FGF13: variants seen among roughly 807,000 people sequenced by gnomAD.
FGF13 encodes fibroblast growth factor homologous factor 2.
FGF13 carries 2 observed loss-of-function variants against 19.5 expected under a neutral mutation model. The ratio of observed to expected loss-of-function variants is 0.10; its 90% CI spans 0.04 to 0.32. The LOEUF is 0.32. Among genes scored for constraint, FGF13 ranks in the 10% least tolerant of loss-of-function variants. The pLI, the probability that FGF13 is intolerant of heterozygous loss-of-function variation, is 1.00. For missense variants in FGF13, 113 were observed against 192.7 expected (o/e 0.59, Z 2.45); for synonymous variants, 72 against 76.9 (o/e 0.94, Z 0.33).
At chrX:138,922,387 T>A (rs1049185416) in intron 1 of FGF13, among the ~76,000 whole-genome samples, 2 of 111,745 alleles carry the variant, frequency 1.8e-5, no homozygotes, top group African/African-American at 3.3e-5. Context: ...GTGAGTTATG[T>A]CAAGGTGGCC....
At chrX:138,768,216 G>A (rs60486296) in intron 3 of FGF13, among the ~76,000 whole-genome samples, 1,789 of 112,029 alleles carry the variant, frequency 0.016, 24 homozygotes, top group African/African-American at 0.055. Flanking sequence ...TTCAAACATC[G>A]TGAAACATTT....
At chrX:138,818,769 T>C (rs2090979639) in intron 3 of FGF13, among the ~76,000 whole-genome samples, 1 of 111,218 alleles carries the variant, frequency 9.0e-6, no homozygotes, top group Non-Finnish European at 1.9e-5. Context: ...GGGCTGTCAT[T>C]TTTTTTCTTT....
chrX:138,946,467 A>C (rs150515456), intron 1 of FGF13, among the ~76,000 whole-genome samples: 1,558 of 112,261 alleles, frequency 0.014, 25 homozygotes, highest in African/African-American at 0.048. Context: ...TGGACTTACA[A>C]AGAATAATTT....
intron 3 of FGF13, among the ~76,000 whole-genome samples, chrX:138,685,086 C>T (rs1408602589): frequency 1.8e-5 from 2 of 111,627 alleles, no homozygotes; most frequent in African/African-American, 3.2e-5. Context: ...TGGTATGCTT[C>T]GTTTAGCAAC....
At chrX:138,736,645 A>G (rs1262395271) in intron 1 of FGF13, among the ~76,000 whole-genome samples, 1 of 111,000 alleles carries the variant, frequency 9.0e-6, no homozygotes, top group Admixed American at 9.6e-5. Flanking sequence ...ATAAAAAAAA[A>G]TTAGTAAACA....
At chrX:138,845,739 T>A (rs1023528847) in intron 3 of FGF13, among the ~76,000 whole-genome samples, 1 of 111,751 alleles carries the variant, frequency 8.9e-6, no homozygotes. Flanking sequence ...ATCCACTAAG[T>A]GAACAGCTTA....
At chrX:138,906,449 G>A (rs747245487) in intron 1 of FGF13, among the ~76,000 whole-genome samples, 1 of 111,941 alleles carries the variant, frequency 8.9e-6, no homozygotes, top group South Asian at 3.8e-4. Context: ...CATAGTTCTA[G>A]GCCGTGGGGA....
intron 1 of FGF13, among the ~76,000 whole-genome samples, chrX:138,976,119 C>T (rs1057350715): frequency 9.0e-6 from 1 of 111,726 alleles, no homozygotes; most frequent in African/African-American, 3.3e-5. Flanking sequence ...GCGCTGGACT[C>T]GGGAATGCTC....
At chrX:138,702,905 T>C in intron 3 of FGF13, 79 bp downstream of exon 3, 1 of 638,566 alleles carries the variant, frequency 1.6e-6, no homozygotes, top group Non-Finnish European at 2.6e-6. Context: ...TCTGTAATGA[T>C]AACACATATA....
intron 1 of FGF13, among the ~76,000 whole-genome samples, chrX:139,070,306 A>G (rs1011825764): frequency 4.5e-4 from 51 of 112,517 alleles, no homozygotes; most frequent in African/African-American, 1.5e-3. Flanking sequence ...AACCCCATCA[A>G]AAAGTGGATG....
intron 1 of FGF13, among the ~76,000 whole-genome samples, chrX:138,945,356 A>G (rs1419798528): frequency 9.0e-6 from 1 of 111,488 alleles, no homozygotes; most frequent in Non-Finnish European, 1.9e-5. Context: ...CTACTCCTCA[A>G]GCACAGTTGC....
chrX:139,041,134 G>T (rs891070253), intron 1 of FGF13, among the ~76,000 whole-genome samples: 1 of 109,306 alleles, frequency 9.1e-6, no homozygotes, highest in Admixed American at 9.9e-5. Context: ...GGGATGATCT[G>T]TACAGTAAAC....
At chrX:139,143,496 T>C (rs1603219087) in intron 1 of FGF13, among the ~76,000 whole-genome samples, 1 of 112,571 alleles carries the variant, frequency 8.9e-6, no homozygotes, top group Non-Finnish European at 1.9e-5. Context: ...GAATGGACAT[T>C]ATTTGGATTA....
chrX:138,638,444 A>G (rs2089207649), intron 3 of FGF13, among the ~76,000 whole-genome samples: 1 of 111,431 alleles, frequency 9.0e-6, no homozygotes, highest in South Asian at 3.8e-4. Flanking sequence ...AGAATCACAT[A>G]TAATCTCTCC....
intron 1 of FGF13, among the ~76,000 whole-genome samples, chrX:138,917,151 T>C (rs896354384): frequency 2.7e-5 from 3 of 111,742 alleles, no homozygotes; most frequent in Non-Finnish European, 3.8e-5. Context: ...CTTAGGAAAA[T>C]GCACGTTTAG....
chrX:138,967,316 C>T (rs781782065), intron 1 of FGF13, among the ~76,000 whole-genome samples: 14 of 111,782 alleles, frequency 1.3e-4, no homozygotes, highest in African/African-American at 4.5e-4. Context: ...TTGTTGAAGA[C>T]TCCATCCCTT....
chrX:139,073,374 AAAT>A (rs961927187), intron 1 of FGF13, among the ~76,000 whole-genome samples: 1 of 111,195 alleles, frequency 9.0e-6, no homozygotes, highest in Admixed American at 9.6e-5. Flanking sequence ...ATAATAATAA[AAAT>A]AATAATATCA....
rs11430051 is a variant in FGF13, at chrX:138,934,912, GA to G, written c.-112-70263del. Among the ~76,000 whole-genome samples the G allele has an allele frequency of 4.2e-3, 432 of 102,053 alleles. 3 individuals carry two copies. Among genetic ancestry groups the G allele is most frequent in the African/African-American group, 0.015 (408 of 28,080 alleles). The allele number at this position is 102,053 out of a possible 115,157, so 88.6% of individuals were successfully genotyped here. A position where few individuals can be genotyped will look rare whatever the true frequency, so the allele number is the denominator to read the frequency against. On this transcript the variant is annotated intron_variant, in intron 1 of 2. Transcript: ENST00000421460. ...CACATCCAGTAAGGAGAGGAGTTTGGAAAAAAAAAAAATACTATGCATATTA... is the reference window on the plus strand; with the variant it reads ...CACATCCAGTAAGGAGAGGAGTTTGGAAAAAAAAAAATACTATGCATATTA...
At chrX:138,846,600 G>A (rs1400113148) in intron 3 of FGF13, among the ~76,000 whole-genome samples, 1 of 111,857 alleles carries the variant, frequency 8.9e-6, no homozygotes, top group Non-Finnish European at 1.9e-5. Context: ...GGCCTCCCCA[G>A]AAGCTAAGCA....
Sources: allele counts gnomAD v4.1 joint callset (sites outside exome capture counted in the v4.1 genomes callset), GRCh38; gene constraint gnomAD v4.1.1; transcripts MANE v1.5; gene names NCBI Gene and HGNC (gene_info 2026-07-23, HGNC 2026-07-21).